Variants in ZFYVE1 observed in about 807,000 individuals in gnomAD.
The protein encoded by ZFYVE1 is zinc finger FYVE domain-containing protein 1.
Under a neutral mutation model 74.4 loss-of-function variants are expected in ZFYVE1, and 30 were observed. The observed-to-expected ratio is 0.40, with a 90% confidence interval of 0.30 to 0.55. The LOEUF is 0.55. ZFYVE1 is among the 20% of genes least tolerant of loss of function. ZFYVE1 has a pLI of 0.42. For synonymous variants in ZFYVE1, 335 were observed against 385.1 expected, an observed-to-expected ratio of 0.87 and a Z score of 1.52; for missense variants, 703 against 1,011.6, an observed-to-expected ratio of 0.69 and a Z score of 4.14.
chr14:73,005,414 T>C (rs1893958182), intron 2 of ZFYVE1, among the ~76,000 whole-genome samples: 1 of 152,080 alleles, frequency 6.6e-6, no homozygotes, highest in Admixed American at 6.6e-5. Context: ...GGCCACCCCA[T>C]CCAAGTTGAC....
intron 3 of ZFYVE1, among the ~76,000 whole-genome samples, chr14:72,997,348 A>C (rs1893771799): frequency 6.6e-6 from 1 of 152,132 alleles, no homozygotes; most frequent in African/African-American, 2.4e-5. Flanking sequence ...GAATTGAATA[A>C]AGTAATTCTT....
At chr14:73,025,291 A>C (rs985807745) in intron 1 of ZFYVE1, among the ~76,000 whole-genome samples, 4 of 149,792 alleles carry the variant, frequency 2.7e-5, no homozygotes, top group African/African-American at 9.8e-5. Flanking sequence ...CTGGTCTTGA[A>C]CTCTTGACCC....
At chr14:72,999,432 CAATA>C (rs1315649865) in intron 2 of ZFYVE1, among the ~76,000 whole-genome samples, 1 of 151,972 alleles carries the variant, frequency 6.6e-6, no homozygotes, top group African/African-American at 2.4e-5. Flanking sequence ...CATTTCAAAT[CAATA>C]AATAAATACA....
intron 2 of ZFYVE1, among the ~76,000 whole-genome samples, chr14:73,015,338 GAAGGAAAGGGGAAGGAAGGGGGA>G (rs1894174078): frequency 1.2e-5 from 1 of 83,446 alleles, no homozygotes. Context: ...GGAAAGGGGG[GAAGGAAAGGGGAAGGAAGGGGGA>G]AAGGAAGAGG....
intron 5 of ZFYVE1, 83 bp from the exon 6 acceptor site, chr14:72,979,052 CACAAGGCCACGACCAG>C (rs1893255608): frequency 8.3e-7 from 1 of 1,208,922 alleles, no homozygotes; most frequent in Non-Finnish European, 1.2e-6. Context: ...CTGAGCCAGG[CACAAGGCCACGACCAG>C]ACCTTGATTA....
Position 72,981,769 on chromosome 14 carries a change from G to T in ZFYVE1, c.1310+20C>A, listed in dbSNP as rs370760506. 1.5e-5 allele frequency: 24 copies of T among 1,609,218 alleles called. No homozygotes were observed. The highest frequency in any genetic ancestry group is 1.4e-4 in the South Asian group (13 of 90,974). On this transcript the variant is annotated intron_variant, in intron 5 of 11. Coordinates refer to ENST00000556143, the MANE Select transcript of ZFYVE1 (RefSeq NM_021260.4). ...ATTCTCAAGGTATGGGGTGGGAGGTGGGGGAGCGGCCTTACTTACCCACAG... is the reference window on the plus strand; with the variant it reads ...ATTCTCAAGGTATGGGGTGGGAGGTTGGGGAGCGGCCTTACTTACCCACAG...
chr14:73,004,738 C>T (rs1398609900), intron 2 of ZFYVE1, among the ~76,000 whole-genome samples: 1 of 152,124 alleles, frequency 6.6e-6, no homozygotes, highest in Admixed American at 6.6e-5. Context: ...TGGCTCACAC[C>T]TGTAATCCCA....
chr14:73,016,137 T>A (rs190852988), intron 2 of ZFYVE1, among the ~76,000 whole-genome samples: 1 of 152,240 alleles, frequency 6.6e-6, no homozygotes, highest in East Asian at 1.9e-4. Context: ...ACCTTTAACT[T>A]ATTTGCTAAG....
At chr14:73,026,793 C>G (rs1422076028) in intron 1 of ZFYVE1, 133 bp downstream of exon 1, 1 of 213,186 alleles carries the variant, frequency 4.7e-6, no homozygotes, top group Admixed American at 6.1e-5. Flanking sequence ...GTTTATACCA[C>G]CCCACCCCCA....
chr14:72,999,286 G>C (rs1893819183), intron 2 of ZFYVE1, among the ~76,000 whole-genome samples: 1 of 152,128 alleles, frequency 6.6e-6, no homozygotes, highest in Non-Finnish European at 1.5e-5. Flanking sequence ...AATTAGCTGG[G>C]CATGGTGGCA....
At chr14:73,003,997 G>A (rs183710919) in intron 2 of ZFYVE1, among the ~76,000 whole-genome samples, 9 of 152,236 alleles carry the variant, frequency 5.9e-5, no homozygotes, top group East Asian at 1.9e-4. Flanking sequence ...TACCTTAAAC[G>A]CTTCTCCCAT....
intron 2 of ZFYVE1, among the ~76,000 whole-genome samples, chr14:73,005,354 G>A (rs1300383383): frequency 6.6e-6 from 1 of 152,160 alleles, no homozygotes; most frequent in Non-Finnish European, 1.5e-5. Context: ...ACCCCATGGT[G>A]CTCCAATCCT....
chr14:72,971,595 T>C (rs1226557327), intron 11 of ZFYVE1, among the ~76,000 whole-genome samples: 1 of 152,138 alleles, frequency 6.6e-6, no homozygotes, highest in Non-Finnish European at 1.5e-5. Context: ...CCCAAAGTGC[T>C]GGGATTGTAG....
At chr14:72,997,787 G>A (rs1477253958) in intron 3 of ZFYVE1, 24 bp downstream of exon 3, 2 of 1,556,600 alleles carry the variant, frequency 1.3e-6, no homozygotes, top group Non-Finnish European at 1.7e-6. Context: ...AGGTTGAGCT[G>A]TGACACTGTA....
At chr14:72,983,735 T>C (rs1028354436) in intron 4 of ZFYVE1, among the ~76,000 whole-genome samples, 1 of 152,180 alleles carries the variant, frequency 6.6e-6, no homozygotes, top group African/African-American at 2.4e-5. Flanking sequence ...GATGGCTGGG[T>C]CAAATGGTAT....
At chr14:72,998,451 C>A in intron 2 of ZFYVE1, 136 bp from the exon 3 acceptor site, 2 of 747,544 alleles carry the variant, frequency 2.7e-6, no homozygotes, top group Non-Finnish European at 3.9e-6. Flanking sequence ...ATAATAGCTC[C>A]CCACCTCCAC....
intron 3 of ZFYVE1, among the ~76,000 whole-genome samples, chr14:72,994,322 CAAAAA>C (rs71109776): frequency 3.2e-4 from 10 of 31,138 alleles, no homozygotes; most frequent in Non-Finnish European, 4.5e-4. Flanking sequence ...GACGCTGTCT[CAAAAA>C]AAAAAAAAAA....
At chr14:73,014,072 C>A (rs12432640) in intron 2 of ZFYVE1, among the ~76,000 whole-genome samples, 10,593 of 152,194 alleles carry the variant, frequency 0.07, 532 homozygotes, top group South Asian at 0.19. Flanking sequence ...CCAGAAAAAT[C>A]AATCACTTCA....
intron 3 of ZFYVE1, among the ~76,000 whole-genome samples, chr14:72,995,273 T>C (rs1005992238): frequency 1.3e-5 from 2 of 152,170 alleles, no homozygotes; most frequent in Admixed American, 1.3e-4. Context: ...ATTGTTGTAT[T>C]TTTAGTAGAG....
Sources: allele counts gnomAD v4.1 joint callset (sites outside exome capture counted in the v4.1 genomes callset), GRCh38; gene constraint gnomAD v4.1.1; transcripts MANE v1.5; gene names NCBI Gene and HGNC (gene_info 2026-07-23, HGNC 2026-07-21).